RYR2: variants seen among roughly 807,000 people sequenced by gnomAD.
The protein encoded by RYR2 is ryanodine receptor 2, also known as cardiac muscle ryanodine receptor-calcium release channel.
RYR2 carries 227 observed loss-of-function variants against 601.1 expected under a neutral mutation model. The observed-to-expected ratio is 0.38, with a 90% CI of 0.34 to 0.42. RYR2 has a LOEUF of 0.42. RYR2 is among the 10% of genes least tolerant of loss of function. RYR2 has a pLI of 1.00. For missense variants in RYR2, 4,646 were observed against 6,156.5 expected, an observed-to-expected ratio of 0.75 and a Z score of 8.21; for synonymous variants, 2,223 against 2,175.1, an observed-to-expected ratio of 1.02 and a Z score of -0.61.
At chr1:237,191,734 A>T (rs919522472) in intron 1 of RYR2, among the ~76,000 whole-genome samples, 4 of 152,230 alleles carry the variant, frequency 2.6e-5, no homozygotes, top group African/African-American at 9.6e-5. Flanking sequence ...CTAAACAGTG[A>T]TTATTTCTTA....
At chr1:237,213,915 C>CTTTTTTTTTTTTTTTTTTTTTTTTTT (rs71180008) in intron 1 of RYR2, among the ~76,000 whole-genome samples, 142 of 65,432 alleles carry the variant, frequency 2.2e-3, no homozygotes, top group Non-Finnish European at 2.8e-3. Flanking sequence ...TTTTCTTTTT[C>CTTTTTTTTTTTTTTTTTTTTTTTTTT]TTTTTTTTTT....
intron 48 of RYR2, among the ~76,000 whole-genome samples, chr1:237,644,658 TG>T (rs113502143): frequency 1.1e-4 from 16 of 152,224 alleles, no homozygotes; most frequent in African/African-American, 3.4e-4. Context: ...AAATGTAAGG[TG>T]TTTTTTTTCA....
chr1:237,370,893 C>G (rs1700588003), intron 6 of RYR2, among the ~76,000 whole-genome samples: 1 of 152,148 alleles, frequency 6.6e-6, no homozygotes, highest in Non-Finnish European at 1.5e-5. Flanking sequence ...ATCTCCTGAC[C>G]TGGTGATCCG....
intron 24 of RYR2, among the ~76,000 whole-genome samples, chr1:237,526,599 G>A (rs927125374): frequency 3.3e-5 from 5 of 152,008 alleles, no homozygotes; most frequent in Admixed American, 6.6e-5. Context: ...CTCCTGCCTC[G>A]GCCTCCCAAA....
Position 237,784,379 on chromosome 1 carries a change from A to C in RYR2, c.12667A>C (p.Lys4223Gln). Reference protein sequence around the residue: ...ERSANKEESEKERPEEQGPRM... With the variant: ...ERSANKEESEQERPEEQGPRM... ...GTCAGCGAATAAGGAAGAAAGCGAG[A>C]AGGAGAGGCCGGAAGAGCAGGGGCC... The change falls in exon 90 of 105, where the codon AAG becomes CAG. Residue 4223 changes from lysine to glutamine, a missense_variant. By Grantham distance (53) the Lys-to-Gln change is moderately conservative (BLOSUM62 1). Coordinates refer to ENST00000366574, the MANE Select transcript of RYR2 (RefSeq NM_001035.3). The surrounding 1 kb of genome is among the most constrained non-coding windows in gnomAD (Gnocchi z 7.1). 6.2e-7 allele frequency: 1 copy of C among 1,613,568 alleles called. No homozygotes were observed. Among genetic ancestry groups the C allele is most frequent in the East Asian group, 2.2e-5 (1 of 44,874 alleles).
At chr1:237,625,180 C>G (rs1056013011) in intron 39 of RYR2, among the ~76,000 whole-genome samples, 33 of 151,912 alleles carry the variant, frequency 2.2e-4, no homozygotes, top group African/African-American at 7.7e-4. Flanking sequence ...AGATATAAAG[C>G]ATTCCCTGGT....
intron 67 of RYR2, among the ~76,000 whole-genome samples, chr1:237,706,523 T>G (rs1215470632): frequency 6.6e-6 from 1 of 152,080 alleles, no homozygotes; most frequent in East Asian, 1.9e-4. Context: ...AGTATCTTGC[T>G]GGGTAGGAGG....
rs556283944 is a variant in RYR2 at position 237,613,081 on chromosome 1, A to G, written c.4911-958A>G. Among the ~76,000 whole-genome samples, 6 of 152,350 alleles carry G rather than the reference A, an allele frequency of 3.9e-5. No individual in the cohort carries two copies. In the South Asian group the frequency reaches 6.2e-4, roughly 16 times the overall value. ...TTCTTCCTAGCAGCCAAAGAAAAAT[A>G]TGATGAGTTTCAAAATCCAAATTCC... On this transcript the variant is annotated intron_variant, in intron 36 of 104. Coordinates refer to ENST00000366574, the MANE Select transcript of RYR2 (RefSeq NM_001035.3).
chr1:237,432,599 A>G (rs919382672), intron 12 of RYR2, among the ~76,000 whole-genome samples: 7 of 152,102 alleles, frequency 4.6e-5, no homozygotes, highest in African/African-American at 1.7e-4. Context: ...TTCTGTAATC[A>G]TGGTTAGTGT....
At position 237,368,689 on chromosome 1, in the gene RYR2, G is replaced by A. The variant is rs567852743; in HGVS notation, c.310-845G>A. 1.8e-3 allele frequency among the ~76,000 whole-genome samples: 281 copies of A among 152,206 alleles called. 2 individuals carry two copies. The Middle Eastern group carries it at 0.02, about 11-fold the overall frequency. ...AAGCACTCTTCTATTTCATGGAAAG[G>A]GATTGATTGGACTCTTCCCTATAAG... On this transcript the variant is annotated intron_variant, in intron 5 of 104. Coordinates refer to ENST00000366574, the MANE Select transcript of RYR2 (RefSeq NM_001035.3).
At chr1:237,709,830 T>C (rs1321286693) in intron 70 of RYR2, among the ~76,000 whole-genome samples, 1 of 152,230 alleles carries the variant, frequency 6.6e-6, no homozygotes, top group Non-Finnish European at 1.5e-5. Context: ...ATTTTTACTA[T>C]CTAGCTTTCC....
intron 10 of RYR2, among the ~76,000 whole-genome samples, chr1:237,413,515 A>G (rs1370497242): frequency 1.3e-5 from 2 of 152,238 alleles, no homozygotes; most frequent in East Asian, 3.9e-4. Flanking sequence ...TATATTATTC[A>G]TGCTATTTGT....
rs535492712 is a variant in RYR2 at position 237,308,534 on chromosome 1, G to A, written c.169-22344G>A. Among the ~76,000 whole-genome samples, 107 of 152,224 alleles carry A rather than the reference G, an allele frequency of 7.0e-4. No homozygotes were observed. The Middle Eastern group carries it at 0.01, about 15-fold the overall frequency. ...TCTCAATGACTTCAAGAATGAAGCC[G>A]CGGACCCTTGCGGTGAGTGTTACAG... On this transcript the variant is annotated intron_variant, in intron 2 of 104. Coordinates refer to ENST00000366574, the MANE Select transcript of RYR2 (RefSeq NM_001035.3).
intron 12 of RYR2, among the ~76,000 whole-genome samples, chr1:237,431,184 T>A (rs972526816): frequency 6.6e-6 from 1 of 152,204 alleles, no homozygotes; most frequent in Non-Finnish European, 1.5e-5. Context: ...AAGAGAAATA[T>A]TTTTTAATCA....
intron 1 of RYR2, among the ~76,000 whole-genome samples, chr1:237,255,108 C>T (rs1249297325): frequency 6.6e-6 from 1 of 152,156 alleles, no homozygotes; most frequent in Non-Finnish European, 1.5e-5. Context: ...TCTTCAATGC[C>T]AACTGGGAAA....
At chr1:237,412,442 A>G (rs2150005236) in intron 10 of RYR2, among the ~76,000 whole-genome samples, 1 of 152,286 alleles carries the variant, frequency 6.6e-6, no homozygotes, top group South Asian at 2.1e-4. Context: ...GAACAAGCTC[A>G]TACTGCTGGT....
intron 10 of RYR2, among the ~76,000 whole-genome samples, chr1:237,406,583 T>G (rs1178255746): frequency 6.6e-6 from 1 of 152,026 alleles, no homozygotes; most frequent in Admixed American, 6.5e-5. Flanking sequence ...GATAGCCTGG[T>G]GTTATTTTGT....
chr1:237,523,736 C>CAA (rs71180032), intron 24 of RYR2, among the ~76,000 whole-genome samples: 4 of 138,912 alleles, frequency 2.9e-5, no homozygotes, highest in African/African-American at 1.1e-4. Context: ...GATTCTGTCT[C>CAA]AAAAAAAAAA....
chr1:237,324,536 T>C (rs1285533785), intron 2 of RYR2, among the ~76,000 whole-genome samples: 4 of 152,234 alleles, frequency 2.6e-5, no homozygotes, highest in Admixed American at 6.5e-5. Flanking sequence ...TATATCTCTC[T>C]GATTCTGAGC....
Sources: allele counts gnomAD v4.1 joint callset (sites outside exome capture counted in the v4.1 genomes callset), GRCh38; gene constraint gnomAD v4.1.1; non-coding constraint Gnocchi (gnomAD v3.1); transcripts MANE v1.5; gene names NCBI Gene and HGNC (gene_info 2026-07-23, HGNC 2026-07-21).